Variants in ANKRD66 observed in about 807,000 individuals in gnomAD.
The protein encoded by ANKRD66 is ankyrin repeat domain 66.
A neutral mutation model predicts 10.9 loss-of-function variants in ANKRD66; 10 were observed. The observed-to-expected ratio is 0.91, with a 90% CI of 0.56 to 1.55. The LOEUF is 1.55. ANKRD66 is among the 40% of genes most tolerant of loss of function. The pLI is 0.00. For synonymous variants in ANKRD66, 85 were observed against 88.4 expected (o/e 0.96, Z 0.22); for missense variants, 252 against 242.9 (o/e 1.04, Z -0.25).
At chr6:46,748,114 A>T (rs1284572551) in intron 1 of ANKRD66, among the ~76,000 whole-genome samples, 1 of 152,234 alleles carries the variant, frequency 6.6e-6, no homozygotes, top group African/African-American at 2.4e-5. Context: ...GTAGATATCC[A>T]GTTGTCTCAG....
chr6:46,759,017 C>A lies in ANKRD66; in HGVS notation c.*96C>A, dbSNP rs1051248654. On this transcript the variant is annotated 3_prime_UTR_variant, in exon 5 of 5. Transcript: ENST00000565422. Reference sequence around the variant, plus strand: ...CCTTTCCATGACTTTACTCATAGACCCTTACCCACCTGGCTTCTGCCCATG... The same window carrying A: ...CCTTTCCATGACTTTACTCATAGACACTTACCCACCTGGCTTCTGCCCATG... 7 of 1,246,692 alleles carry A rather than the reference C, an allele frequency of 5.6e-6. No individual in the cohort carries two copies. Among genetic ancestry groups the A allele is most frequent in the African/African-American group, 1.5e-5 (1 of 65,474 alleles). 77.2% of individuals were successfully genotyped at this position (1,246,692 alleles called of 1,614,324 possible). A position where few individuals can be genotyped will look rare whatever the true frequency, so the allele number is the denominator to read the frequency against.
chr6:46,754,011 T>C, intron 4 of ANKRD66, 61 bp downstream of exon 4: 3 of 1,398,412 alleles, frequency 2.1e-6, no homozygotes, highest in Non-Finnish European at 2.9e-6. Context: ...GTGATCAAGA[T>C]CTTGGGTGAT....
intron 3 of ANKRD66, among the ~76,000 whole-genome samples, chr6:46,753,171 G>A (rs1412280764): frequency 3.9e-5 from 6 of 152,102 alleles, no homozygotes; most frequent in Non-Finnish European, 8.8e-5. Context: ...GTGATATAAG[G>A]GGTAATATCC....
Position 46,758,806 on chromosome 6 carries a change from C to A in ANKRD66, c.476C>A (p.Ala159Asp). 3.2e-6 allele frequency: 5 copies of A among 1,551,412 alleles called. No homozygotes were observed. The highest frequency in any genetic ancestry group is 4.4e-6 in the Non-Finnish European group (5 of 1,146,864). The change falls in exon 5 of 5, where the codon GCC (alanine) becomes GAC (aspartate). Residue 159 changes from alanine to aspartate, a missense_variant. Transcript: ENST00000565422. ...PLDERDEDWD[A>D]KKRELELSLP... ...GATGAGCGTGATGAAGACTGGGATG[C>A]CAAGAAAAGGGAGCTGGAGCTGTCT... is the stretch of plus-strand genomic sequence containing the variant.
At chr6:46,753,496 T>G (rs1434576313) in intron 3 of ANKRD66, among the ~76,000 whole-genome samples, 1 of 151,862 alleles carries the variant, frequency 6.6e-6, no homozygotes, top group East Asian at 1.9e-4. Context: ...CAGGGAAGGC[T>G]TGCAAGGCTC....
At chr6:46,750,617 T>C (rs1027037133) in intron 2 of ANKRD66, among the ~76,000 whole-genome samples, 3 of 149,052 alleles carry the variant, frequency 2.0e-5, no homozygotes, top group Non-Finnish European at 4.4e-5. Context: ...TATATATACA[T>C]ACACATATAC....
At chr6:46,747,100 T>C in intron 1 of ANKRD66, 110 bp downstream of exon 1, 3 of 1,044,138 alleles carry the variant, frequency 2.9e-6, no homozygotes, top group Non-Finnish European at 4.1e-6. Context: ...CCTATCTTTA[T>C]GGTAGATGTG....
Position 46,753,743 on chromosome 6 carries a change from T to C in ANKRD66, c.185T>C (p.Leu62Pro). The C allele has an allele frequency of 6.4e-7, 1 of 1,550,764 alleles. No individual in the cohort carries two copies. The highest frequency in any genetic ancestry group is 1.2e-5 in the South Asian group (1 of 83,968). ...TAAGGGCAAATGGAGGTGATACGGCTCCTGATAGAATATGGAGCCAGGCCC... is the reference window on the plus strand; with the variant it reads ...TAAGGGCAAATGGAGGTGATACGGCCCCTGATAGAATATGGAGCCAGGCCC... ...AIKGQMEVIRLLIEYGARPCL... is the reference protein window; with the variant it reads ...AIKGQMEVIRPLIEYGARPCL... The change falls in exon 4 of 5, where the codon CTC becomes CCC. Residue 62 changes from leucine (L) to proline (P), a missense_variant. Transcript: ENST00000565422.
chr6:46,753,684 A>G, intron 3 of ANKRD66, 38 bp from the exon 4 acceptor site: 1 of 1,509,610 alleles, frequency 6.6e-7, no homozygotes, highest in Non-Finnish European at 8.9e-7. Flanking sequence ...GGACATCTTT[A>G]TCCTAACCTC....
intron 4 of ANKRD66, chr6:46,757,718 C>T (rs191496213): frequency 3.3e-5 from 5 of 152,144 alleles, no homozygotes; most frequent in South Asian, 2.1e-4. Flanking sequence ...TGTTGTGAAA[C>T]AATTCAGCTT....
At chr6:46,755,668 C>T (rs1766367856) in intron 4 of ANKRD66, among the ~76,000 whole-genome samples, 1 of 151,974 alleles carries the variant, frequency 6.6e-6, no homozygotes, top group Admixed American at 6.6e-5. Flanking sequence ...TTTCCTTTCC[C>T]TTGACTTCTT....
At position 46,747,060 on chromosome 6, in the gene ANKRD66, G is replaced by A. The variant is rs975249467; in HGVS notation, c.-97+70G>A. 1.9e-5 allele frequency: 28 copies of A among 1,449,710 alleles called. No individual in the cohort carries two copies. In the East Asian group the frequency reaches 6.7e-4, roughly 35 times the overall value. 89.8% of individuals were successfully genotyped at this position (1,449,710 alleles called of 1,614,324 possible). A position where few individuals can be genotyped will look rare whatever the true frequency, so the allele number is the denominator to read the frequency against. On this transcript the variant is annotated intron_variant, in intron 1 of 4. Transcript: ENST00000565422. ...AAAATCACTCACATTTATTAAAACTGATATTTATTGACTACTTTGCACTTG... is the reference window on the plus strand; with the variant it reads ...AAAATCACTCACATTTATTAAAACTAATATTTATTGACTACTTTGCACTTG...
chr6:46,750,121 A>G (rs1451305196), intron 2 of ANKRD66, 142 bp downstream of exon 2: 7 of 537,874 alleles, frequency 1.3e-5, no homozygotes, highest in Non-Finnish European at 1.0e-5. Context: ...GACATTCCCA[A>G]TGGCCCCATC....
intron 1 of ANKRD66, among the ~76,000 whole-genome samples, chr6:46,747,940 C>T (rs566593839): frequency 6.6e-6 from 1 of 152,138 alleles, no homozygotes; most frequent in South Asian, 2.1e-4. Flanking sequence ...AGAAAAAACC[C>T]TTATATTTAT....
intron 4 of ANKRD66, chr6:46,757,216 A>T (rs79732394): frequency 6.6e-6 from 1 of 151,936 alleles, no homozygotes; most frequent in Non-Finnish European, 1.5e-5. Flanking sequence ...TTAAGGGGGG[A>T]TTAACCTGGA....
chr6:46,758,581 G>T (rs1037808045), intron 4 of ANKRD66, 142 bp from the exon 5 acceptor site: 6 of 732,158 alleles, frequency 8.2e-6, no homozygotes, highest in Non-Finnish European at 1.2e-5. Flanking sequence ...CCTTCCCTAA[G>T]TGTATGCTTG....
chr6:46,753,851 C>A lies in ANKRD66; in HGVS notation c.293C>A (p.Ala98Glu), dbSNP rs1419889707. ...GHLNILKTLH[A>E]LHAAIDAPDF... ...CTGAATATACTCAAAACTCTCCATGCATTGCACGCTGCCATCGACGCCCCT... is the reference window on the plus strand; with the variant it reads ...CTGAATATACTCAAAACTCTCCATGAATTGCACGCTGCCATCGACGCCCCT... The change falls in exon 4 of 5, where the codon GCA becomes GAA. Residue 98 changes from alanine to glutamate, a missense_variant. Coordinates refer to ENST00000565422, the MANE Select transcript of ANKRD66 (RefSeq NM_001162435.3). The A allele has an allele frequency of 1.3e-6, 2 of 1,551,744 alleles. No homozygotes were observed. Among genetic ancestry groups the A allele is most frequent in the Non-Finnish European group, 1.7e-6 (2 of 1,147,002 alleles).
chr6:46,754,070 G>C (rs1766323318), intron 4 of ANKRD66, 120 bp downstream of exon 4: 2 of 857,882 alleles, frequency 2.3e-6, no homozygotes, highest in East Asian at 2.7e-5. Context: ...CCAGCCAATG[G>C]ACTATTATTT....
chr6:46,758,709 C>G lies in ANKRD66; in HGVS notation c.393-14C>G, dbSNP rs1766426204. ...TCCTGATCCAAGTTCAGAAGGCTCT[C>G]TCTTCTTTCCTAGGGCAGAGCCCGA... On this transcript the variant is annotated splice_polypyrimidine_tract_variant and intron_variant, in intron 4 of 4. Transcript: ENST00000565422. The G allele has an allele frequency of 1.3e-6, 2 of 1,534,842 alleles. No homozygotes were observed. The highest frequency in any genetic ancestry group is 1.4e-5 in the African/African-American group (1 of 71,994).
Sources: gnomAD v4.1 joint callset for allele counts (sites outside exome capture counted in the v4.1 genomes callset) on GRCh38, gnomAD v4.1.1 for gene constraint, MANE v1.5 for transcripts, NCBI Gene and HGNC (gene_info 2026-07-23, HGNC 2026-07-21) for gene names.